The following PSG6 variants were observed in gnomAD, a reference collection of about 807,000 sequenced individuals.
The protein encoded by PSG6 is pregnancy-specific beta-1-glycoprotein 6.
A neutral mutation model predicts 43.3 loss-of-function variants in PSG6; 51 were observed. The ratio of observed to expected loss-of-function variants is 1.18; its 90% confidence interval spans 0.94 to 1.49. PSG6 has a LOEUF of 1.49. Ranked by LOEUF, PSG6 falls within the 40% of genes most tolerant of loss-of-function variation. The pLI is 0.00. For synonymous variants in PSG6, 292 were observed against 197.6 expected, an observed-to-expected ratio of 1.48 and a Z score of -4.01; for missense variants, 770 against 522.2, an observed-to-expected ratio of 1.47 and a Z score of -4.62.
chr19:42,902,416 T>A lies in PSG6; in HGVS notation c.1271A>T (p.His424Leu), dbSNP rs1972049356. The A allele has an allele frequency of 1.2e-6, 2 of 1,611,158 alleles. No homozygotes were observed. Among genetic ancestry groups the A allele is most frequent in the South Asian group, 2.2e-5 (2 of 90,588 alleles). The change falls in exon 6 of 6, where the codon CAT becomes CTT. Residue 424 changes from histidine to leucine, a missense_variant. Physicochemically the swap from His to Leu is moderately conservative, Grantham distance 99. Transcript: ENST00000187910. ...GTGTCTCTATTGTGGCAGCCATTAA[T>A]GAGACTCTGTCTGGTTTCCATGGCA... is the stretch of plus-strand genomic sequence containing the variant. Reference protein sequence around the residue: ...GPCHGNQTESH With the variant: ...GPCHGNQTESL
intron 1 of PSG6, 91 bp downstream of exon 1, chr19:42,917,633 CTTCTT>C: frequency 1.9e-6 from 3 of 1,543,560 alleles, no homozygotes. Context: ...TAAGTGCTGG[CTTCTT>C]TTATTTTTTA....
At chr19:42,906,398 T>G (rs1972112602) in intron 5 of PSG6, among the ~76,000 whole-genome samples, 1 of 151,046 alleles carries the variant, frequency 6.6e-6, no homozygotes, top group South Asian at 2.1e-4. Flanking sequence ...CCACCCCAGG[T>G]GGAGTCAGGC....
At chr19:42,913,196 C>T (rs1972260703) in intron 2 of PSG6, among the ~76,000 whole-genome samples, 1 of 151,406 alleles carries the variant, frequency 6.6e-6, no homozygotes, top group South Asian at 2.1e-4. Flanking sequence ...CGCTCTGTCA[C>T]CCCAGCTGCA....
intron 3 of PSG6, 181 bp downstream of exon 3, chr19:42,910,399 T>A (rs772454874): frequency 6.7e-7 from 1 of 1,492,550 alleles, no homozygotes; most frequent in Non-Finnish European, 9.2e-7. Context: ...GCCTCTTCTC[T>A]CTTATTGTTG....
At chr19:42,902,603 C>A in intron 5 of PSG6, among the ~76,000 whole-genome samples, 157 bp from the exon 6 acceptor site, 1 of 151,772 alleles carries the variant, frequency 6.6e-6, no homozygotes, top group African/African-American at 2.4e-5. Flanking sequence ...GAGGATTCCT[C>A]ATCAGCCTTG....
chr19:42,917,865 C>A lies in PSG6; in HGVS notation c.-73G>T. On this transcript the variant is annotated 5_prime_UTR_variant, in exon 1 of 6. Transcript: ENST00000187910. ...CCAGAGACTTCCTGAGCAGGGCTGT[C>A]AGGTGTGCTGTCCTTCCTCCTTCTG... 4 of 1,543,258 alleles carry A rather than the reference C, an allele frequency of 2.6e-6. 1 individual carries two copies. The highest frequency in any genetic ancestry group is 8.8e-7 in the Non-Finnish European group (1 of 1,134,006).
At chr19:42,913,645 C>T (rs1298737525) in intron 2 of PSG6, among the ~76,000 whole-genome samples, 1 of 151,670 alleles carries the variant, frequency 6.6e-6, no homozygotes, top group Non-Finnish European at 1.5e-5. Context: ...AGCCTATGGG[C>T]TTAATTGCTC....
At chr19:42,915,990 C>G (rs376871607) in intron 2 of PSG6, 135 bp downstream of exon 2, 5 of 1,473,878 alleles carry the variant, frequency 3.4e-6, no homozygotes, top group Non-Finnish European at 4.6e-6. Flanking sequence ...GTGTCCTGCA[C>G]TAAATGCCCA....
rs1370528922 is a variant in PSG6, at chr19:42,917,822, T to C, written c.-30A>G. 1.9e-6 allele frequency: 3 copies of C among 1,602,070 alleles called. No homozygotes were observed. The Admixed American group carries it at 5.1e-5, about 27-fold the overall frequency. Reference sequence around the variant, plus strand: ...TCTGCTGTCTGTGTGTTCTCCCCTGTGGAGATGAGCCTAGGATCCAGAGAC... The same window carrying C: ...TCTGCTGTCTGTGTGTTCTCCCCTGCGGAGATGAGCCTAGGATCCAGAGAC... On this transcript the variant is annotated 5_prime_UTR_variant, in exon 1 of 6. Coordinates refer to ENST00000187910, the MANE Select transcript of PSG6 (RefSeq NM_001031850.4).
rs965600439 is a variant in PSG6 at position 42,911,159 on chromosome 19, T to C, written c.428-301A>G. On this transcript the variant is annotated intron_variant, in intron 2 of 5. Coordinates refer to ENST00000187910, the MANE Select transcript of PSG6 (RefSeq NM_001031850.4). Reference sequence around the variant, plus strand: ...CCTGGTGCCTCTCTGAGTCCCTCCGTCTCCAACTGCCTGCCTGGCCCACCT... The same window carrying C: ...CCTGGTGCCTCTCTGAGTCCCTCCGCCTCCAACTGCCTGCCTGGCCCACCT... Among the ~76,000 whole-genome samples the C allele has an allele frequency of 9.9e-5, 15 of 151,532 alleles. 2 individuals carry two copies. The Admixed American group carries it at 9.9e-4, about 10-fold the overall frequency.
chr19:42,917,390 G>T, intron 1 of PSG6, among the ~76,000 whole-genome samples: 1 of 132,506 alleles, frequency 7.5e-6, no homozygotes, highest in African/African-American at 2.9e-5. Context: ...TTGAAATGGA[G>T]TCTCGTACTG....
intron 4 of PSG6, 120 bp downstream of exon 4, chr19:42,907,456 G>A (rs571499091): frequency 2.3e-5 from 35 of 1,544,036 alleles, no homozygotes; most frequent in Non-Finnish European, 3.0e-5. Flanking sequence ...TCATGGCCAG[G>A]TCTGATGTCC....
chr19:42,908,065 C>A (rs144416934), intron 3 of PSG6: 4 of 859,968 alleles, frequency 4.7e-6, no homozygotes, highest in Non-Finnish European at 6.9e-6. Context: ...CAGACTTTCT[C>A]AAGTGTCAAT....
At position 42,917,747 on chromosome 19, in the gene PSG6, T is replaced by C; in HGVS notation, c.46A>G (p.Lys16Glu). Residue 16 changes from lysine to glutamate, a missense_variant, in exon 1 of 6, where the codon AAG (lysine) becomes GAG (glutamate). By Grantham distance (56) the Lys-to-Glu change is moderately conservative. Transcript: ENST00000187910. The stretch of plus-strand genomic sequence containing the variant: ...TCCTCACCTGTGAGCAGGAGCCCCT[T>C]CCAGGTGATGTGCTGAGTGCAGGGA... ...APPCTQHITW[K>E]GLLLTASLLN... The C allele has an allele frequency of 1.2e-6, 2 of 1,610,154 alleles. No individual in the cohort carries two copies. The highest frequency in any genetic ancestry group is 1.7e-6 in the Non-Finnish European group (2 of 1,177,888).
chr19:42,905,773 T>A (rs1261795001), intron 5 of PSG6, among the ~76,000 whole-genome samples: 1 of 151,630 alleles, frequency 6.6e-6, no homozygotes, highest in Non-Finnish European at 1.5e-5. Context: ...TCGTGCAAAA[T>A]GGATGAACCT....
At position 42,907,955 on chromosome 19, in the gene PSG6, T is replaced by C. The variant is rs562160378; in HGVS notation, c.707-101A>G. Reference sequence around the variant, plus strand: ...TCTCCCACCTGTCAACCCACATGAGTCCTTGAAAGCCAGTAGCTGGTGCAT... The same window carrying C: ...TCTCCCACCTGTCAACCCACATGAGCCCTTGAAAGCCAGTAGCTGGTGCAT... On this transcript the variant is annotated intron_variant, in intron 3 of 5. Transcript: ENST00000187910. 63 of 1,501,720 alleles carry C rather than the reference T, an allele frequency of 4.2e-5. 2 individuals are homozygous for C. In the East Asian group the frequency reaches 1.0e-3, roughly 24 times the overall value. 93.0% of individuals were successfully genotyped at this position (1,501,720 alleles called of 1,614,324 possible).
chr19:42,916,213 C>G lies in PSG6; in HGVS notation c.339G>C (p.Gln113His). Residue 113 changes from glutamine to histidine, a missense_variant, in exon 2 of 6, where the codon CAG becomes CAC. By Grantham distance (24) the Gln-to-His change is conservative (BLOSUM62 0). Transcript: ENST00000187910. ...GTAAGGTGTAGGATCCTGCATCCTC[C>G]TGTGTGACATTCTGGATCAGCAGGG... ...NASLLIQNVT[Q>H]EDAGSYTLHI... 1 of 1,612,258 alleles carries G rather than the reference C, an allele frequency of 6.2e-7. No individual in the cohort carries two copies.
rs766733288 is a variant in PSG6 at position 42,916,409 on chromosome 19, C to T, written c.143G>A (p.Gly48Glu). 1.1e-5 allele frequency: 18 copies of T among 1,611,914 alleles called. No homozygotes were observed. The highest frequency in any genetic ancestry group is 6.7e-5 in the African/African-American group (5 of 74,670). The change falls in exon 2 of 6, where the codon GGG becomes GAG. Residue 48 changes from glycine (G) to glutamate (E), a missense_variant. Physicochemically the swap from Gly to Glu is moderately conservative, Grantham distance 98. Coordinates refer to ENST00000187910, the MANE Select transcript of PSG6 (RefSeq NM_001031850.4). Reference sequence around the variant, plus strand: ...GTGGACAAGTAGAAGAACATCCTTCCCCTCGGAAACTTTGGGTGGCTTGGC... The same window carrying T: ...GTGGACAAGTAGAAGAACATCCTTCTCCTCGGAAACTTTGGGTGGCTTGGC... ...IEAKPPKVSE[G>E]KDVLLLVHNL...
rs1331441233 is a variant in PSG6 at position 42,911,382 on chromosome 19, A to G, written c.428-524T>C. ...CTGGGTACTTCAGCAGAAATAACACAGGGGAGACCAGAGTCAGGCCTGGAG... is the reference window on the plus strand; with the variant it reads ...CTGGGTACTTCAGCAGAAATAACACGGGGGAGACCAGAGTCAGGCCTGGAG... On this transcript the variant is annotated intron_variant, in intron 2 of 5. Coordinates refer to ENST00000187910, the MANE Select transcript of PSG6 (RefSeq NM_001031850.4). Among the ~76,000 whole-genome samples, 18 of 151,624 alleles carry G rather than the reference A, an allele frequency of 1.2e-4. 1 individual carries two copies. The highest frequency in any genetic ancestry group is 1.2e-3 in the Admixed American group (18 of 15,170).
Sources: gnomAD v4.1 joint callset for allele counts (sites outside exome capture counted in the v4.1 genomes callset) on GRCh38, gnomAD v4.1.1 for gene constraint, MANE v1.5 for transcripts, NCBI Gene and HGNC (gene_info 2026-07-23, HGNC 2026-07-21) for gene names.